Variants in TTC28 observed in about 807,000 individuals in gnomAD.
TTC28 encodes tetratricopeptide repeat protein 28.
In TTC28, 61 loss-of-function variants were observed where a neutral mutation model predicts 198.0. The observed-to-expected ratio is 0.31, with a 90% CI of 0.25 to 0.38. The LOEUF (loss-of-function observed/expected upper bound fraction) is 0.38. Ranked by LOEUF, TTC28 falls within the 10% of genes least tolerant of loss-of-function variation. The pLI, the probability that TTC28 is intolerant of heterozygous loss-of-function variation, is 1.00. For missense variants in TTC28, 2,678 were observed against 3,164.0 expected (o/e 0.85, Z 3.69); for synonymous variants, 1,171 against 1,297.8 (o/e 0.90, Z 2.10).
At chr22:27,985,853 T>C (rs1937192590) in intron 21 of TTC28, 1 of 155,156 alleles carries the variant, frequency 6.4e-6, no homozygotes, top group Non-Finnish European at 1.5e-5. Context: ...TTTGAAATGA[T>C]CGCTGACAAT....
At chr22:28,262,981 A>C (rs935526342) in intron 5 of TTC28, among the ~76,000 whole-genome samples, 3 of 152,150 alleles carry the variant, frequency 2.0e-5, no homozygotes, top group African/African-American at 7.2e-5. Flanking sequence ...TCATGAATTA[A>C]AACTAGCAAA....
intron 2 of TTC28, among the ~76,000 whole-genome samples, chr22:28,553,212 G>A (rs1010701252): frequency 1.8e-3 from 277 of 151,498 alleles, no homozygotes; most frequent in Middle Eastern, 0.01. Flanking sequence ...CCGCCACCCC[G>A]TCTGGGAAGT....
At chr22:28,304,008 G>T (rs374895018) in intron 3 of TTC28, among the ~76,000 whole-genome samples, 1 of 152,094 alleles carries the variant, frequency 6.6e-6, no homozygotes, top group Non-Finnish European at 1.5e-5. Flanking sequence ...GGCAGCAGCC[G>T]GGCGCGGTGG....
chr22:28,352,816 CA>C (rs895622564), intron 2 of TTC28, among the ~76,000 whole-genome samples: 8 of 151,870 alleles, frequency 5.3e-5, no homozygotes, highest in African/African-American at 1.5e-4. Flanking sequence ...TATAATTTAA[CA>C]GTCTAAAAAA....
chr22:28,210,830 T>C (rs932445810), intron 5 of TTC28, among the ~76,000 whole-genome samples: 1 of 151,710 alleles, frequency 6.6e-6, no homozygotes, highest in African/African-American at 2.4e-5. Context: ...CCAAGACAAA[T>C]ATTGTCAGAT....
In TTC28 at chr22:28,059,026, T is replaced by G. The variant is rs552413123; in HGVS notation, c.3933-28660A>C. 3.3e-5 allele frequency among the ~76,000 whole-genome samples: 5 copies of G among 152,162 alleles called. No individual in the cohort carries two copies. The South Asian group carries it at 8.3e-4, about 25-fold the overall frequency. On this transcript the variant is annotated intron_variant, in intron 12 of 22. Transcript: ENST00000397906. ...ATCACTGAGGGTTTGGTTTATCAATTTTTTGCTCTTTCCAAAGAAGTGATT... is the reference window on the plus strand; with the variant it reads ...ATCACTGAGGGTTTGGTTTATCAATGTTTTGCTCTTTCCAAAGAAGTGATT...
intron 2 of TTC28, among the ~76,000 whole-genome samples, chr22:28,346,659 C>T (rs1444822810): frequency 1.3e-5 from 2 of 152,178 alleles, no homozygotes; most frequent in Non-Finnish European, 2.9e-5. Flanking sequence ...TGCCTAACAG[C>T]TATCCTTGGT....
intron 2 of TTC28, among the ~76,000 whole-genome samples, chr22:28,410,753 T>C (rs187457349): frequency 2.6e-4 from 39 of 152,304 alleles, no homozygotes; most frequent in African/African-American, 8.4e-4. Flanking sequence ...AAATGATGAA[T>C]TTAGAATACA....
intron 2 of TTC28, among the ~76,000 whole-genome samples, chr22:28,499,162 G>C (rs1394697312): frequency 6.6e-6 from 1 of 152,106 alleles, no homozygotes; most frequent in Non-Finnish European, 1.5e-5. Context: ...GGACAACAGA[G>C]AGAGATCCCA....
chr22:28,131,710 C>T (rs958450929), intron 6 of TTC28, among the ~76,000 whole-genome samples: 2 of 152,110 alleles, frequency 1.3e-5, no homozygotes, highest in African/African-American at 4.8e-5. Flanking sequence ...TTTGCCCTGT[C>T]AAAGTGTCAG....
intron 12 of TTC28, among the ~76,000 whole-genome samples, chr22:28,086,817 G>T (rs1941621937): frequency 1.3e-5 from 2 of 152,014 alleles, no homozygotes; most frequent in African/African-American, 4.8e-5. Context: ...AATAAAAAAT[G>T]ATAAAGGGGA....
chr22:28,532,539 C>T (rs1276921288), intron 2 of TTC28, among the ~76,000 whole-genome samples: 1 of 152,184 alleles, frequency 6.6e-6, no homozygotes, highest in East Asian at 1.9e-4. Flanking sequence ...AAGAGGCAAT[C>T]CTCCCTAACT....
chr22:28,214,625 G>C (rs907053771), intron 5 of TTC28, among the ~76,000 whole-genome samples: 1 of 152,172 alleles, frequency 6.6e-6, no homozygotes, highest in Admixed American at 6.5e-5. Context: ...TAAAAAGCCA[G>C]GAAACAACAG....
chr22:28,316,642 A>G (rs992079924), intron 2 of TTC28, among the ~76,000 whole-genome samples: 1 of 152,042 alleles, frequency 6.6e-6, no homozygotes, highest in Non-Finnish European at 1.5e-5. Flanking sequence ...TTTAGTTTTC[A>G]TTGTAAATCT....
chr22:28,382,886 CACT>C (rs1169634651), intron 2 of TTC28, among the ~76,000 whole-genome samples: 1 of 152,120 alleles, frequency 6.6e-6, no homozygotes, highest in Non-Finnish European at 1.5e-5. Flanking sequence ...TTTGTACCAC[CACT>C]ATTTGGTCTC....
rs953510050 is a variant in TTC28, at chr22:28,352,316, T to G, written c.382-45673A>C. Among the ~76,000 whole-genome samples the G allele has an allele frequency of 2.9e-4, 22 of 74,588 alleles. No homozygotes were observed. In the East Asian group the frequency reaches 9.1e-3, roughly 31 times the overall value. The allele number at this position is 74,588 out of a possible 152,430, so 48.9% of individuals were successfully genotyped here. On this transcript the variant is annotated intron_variant, in intron 2 of 22. Transcript: ENST00000397906. ...CCTATTAGACAGAGATATATACATA[T>G]ATATATATATATATATATATCTCCC...
rs372590933 is a variant in TTC28, at chr22:28,548,601, G to A, written c.381+80951C>T. ...TGTCAAACCATCTGAGCAAATAGCC[G>A]AGAGGCAGTGTGCCAGGCAGGCTCC... is the stretch of plus-strand genomic sequence containing the variant. On this transcript the variant is annotated intron_variant, in intron 2 of 22. Coordinates refer to ENST00000397906, the MANE Select transcript of TTC28 (RefSeq NM_001145418.2). Among the ~76,000 whole-genome samples, 20 of 152,346 alleles carry A rather than the reference G, an allele frequency of 1.3e-4. No homozygotes were observed. In the East Asian group the frequency reaches 1.5e-3, roughly 12 times the overall value.
chr22:28,293,033 A>T (rs771881369), intron 5 of TTC28, among the ~76,000 whole-genome samples: 1 of 152,200 alleles, frequency 6.6e-6, no homozygotes, highest in Non-Finnish European at 1.5e-5. Context: ...TTCTAAACCA[A>T]TATTAACTCC....
chr22:28,553,037 C>A (rs1022179137), intron 2 of TTC28, among the ~76,000 whole-genome samples: 6 of 152,162 alleles, frequency 3.9e-5, no homozygotes, highest in Non-Finnish European at 8.8e-5. Flanking sequence ...GATCCGCCAG[C>A]CTCGGCCTCC....
Sources: gnomAD v4.1 joint callset for allele counts (sites outside exome capture counted in the v4.1 genomes callset) on GRCh38, gnomAD v4.1.1 for gene constraint, MANE v1.5 for transcripts, NCBI Gene and HGNC (gene_info 2026-07-23, HGNC 2026-07-21) for gene names.